Variants in AP3D1 observed in about 807,000 individuals in gnomAD.
AP3D1 encodes AP-3 complex subunit delta-1.
A neutral mutation model predicts 147.6 loss-of-function variants in AP3D1; 51 were observed. The ratio of observed to expected loss-of-function variants is 0.35; its 90% CI spans 0.28 to 0.44. The LOEUF (loss-of-function observed/expected upper bound fraction) is 0.44. Among genes scored for constraint, AP3D1 ranks in the 20% least tolerant of loss-of-function variants. The pLI, the probability that AP3D1 is intolerant of heterozygous loss-of-function variation, is 1.00. For missense variants in AP3D1, 1,421 were observed against 1,624.2 expected (o/e 0.87, Z 2.15); for synonymous variants, 760 against 663.0 (o/e 1.15, Z -2.25).
chr19:2,143,386 G>T (rs1187940257), intron 1 of AP3D1, among the ~76,000 whole-genome samples: 1 of 151,670 alleles, frequency 6.6e-6, no homozygotes, highest in Non-Finnish European at 1.5e-5. Context: ...GACTACAGGC[G>T]CCCGCGACCA....
Position 2,117,365 on chromosome 19 carries a change from C to G in AP3D1, c.1716G>C (p.Ala572=). Residue 572 remains alanine (A), a splice_region_variant and synonymous_variant, in exon 16 of 32, where the codon GCG becomes GCC. Transcript: ENST00000643116. Reference sequence around the variant, plus strand: ...GCTTGACCAGCTGCAGGATGCAGGACGCCTGTGGGGGACACAGGGGTCACT... The same window carrying G: ...GCTTGACCAGCTGCAGGATGCAGGAGGCCTGTGGGGGACACAGGGGTCACT... ...QSADLEVQER[A]SCILQLVKHI... 1 of 1,599,226 alleles carries G rather than the reference C, an allele frequency of 6.3e-7. No individual in the cohort carries two copies. Among genetic ancestry groups the G allele is most frequent in the Non-Finnish European group, 8.5e-7 (1 of 1,174,182 alleles).
chr19:2,151,498 C>G lies in AP3D1; in HGVS notation c.-164G>C, dbSNP rs1342608308. ...CGGGGTCCAAGGACCGCGGCAGAGG[C>G]GGCGACCCGCTCGGCAGGTGCCGCG... is the stretch of plus-strand genomic sequence containing the variant. On this transcript the variant is annotated 5_prime_UTR_variant, in exon 1 of 32. Coordinates refer to ENST00000643116, the MANE Select transcript of AP3D1 (RefSeq NM_001261826.3). The G allele has an allele frequency of 4.9e-6, 1 of 204,716 alleles. No individual in the cohort carries two copies. Among genetic ancestry groups the G allele is most frequent in the African/African-American group, 2.4e-5 (1 of 42,358 alleles). The allele number at this position is 204,716 out of a possible 1,614,324, so 12.7% of individuals were successfully genotyped here. A position where few individuals can be genotyped will look rare whatever the true frequency, so the allele number is the denominator to read the frequency against.
At chr19:2,108,880 T>C (rs1457635473) in intron 30 of AP3D1, 114 bp from the exon 31 acceptor site, 1 of 1,350,844 alleles carries the variant, frequency 7.4e-7, no homozygotes, top group Non-Finnish European at 1.0e-6. Context: ...AGGAGGCCTG[T>C]AGGAGCAGGG....
chr19:2,150,985 G>C (rs573579830), intron 1 of AP3D1, among the ~76,000 whole-genome samples: 3 of 152,360 alleles, frequency 2.0e-5, no homozygotes, highest in South Asian at 4.1e-4. Context: ...GCTTCCCCCA[G>C]GTGATCCGAT....
At chr19:2,115,050 C>T (rs1044603885) in intron 20 of AP3D1, among the ~76,000 whole-genome samples, 169 bp downstream of exon 20, 2 of 152,192 alleles carry the variant, frequency 1.3e-5, no homozygotes, top group African/African-American at 2.4e-5. Flanking sequence ...GGCGGTGCGT[C>T]GGGACGCGTG....
chr19:2,111,430 C>T (rs1386583256), intron 25 of AP3D1, 98 bp from the exon 26 acceptor site: 3 of 1,472,096 alleles, frequency 2.0e-6, no homozygotes, highest in Admixed American at 3.8e-5. Context: ...TGCCACGACT[C>T]CAAGAATGCT....
chr19:2,109,467 C>T (rs1254661347), intron 29 of AP3D1: 10 of 513,012 alleles, frequency 1.9e-5, no homozygotes, highest in Admixed American at 7.5e-5. Flanking sequence ...CCGACAAGGA[C>T]GGATGTCCTG....
intron 26 of AP3D1, 80 bp from the exon 27 acceptor site, chr19:2,110,976 A>T: frequency 1.4e-6 from 2 of 1,460,250 alleles, no homozygotes; most frequent in Non-Finnish European, 1.9e-6. Flanking sequence ...CTTAATGACC[A>T]CAGAGGCAGC....
intron 1 of AP3D1, among the ~76,000 whole-genome samples, chr19:2,139,308 TTGG>T (rs1184290373): frequency 6.6e-6 from 1 of 152,120 alleles, no homozygotes; most frequent in African/African-American, 2.4e-5. Flanking sequence ...TGCCAACTCC[TTGG>T]TGGACGAACA....
At chr19:2,157,760 G>A (rs1401509896) in intron 1 of AP3D1, among the ~76,000 whole-genome samples, 4 of 151,380 alleles carry the variant, frequency 2.6e-5, no homozygotes, top group African/African-American at 9.7e-5. Context: ...AACATACTGA[G>A]TATCTACTGT....
At chr19:2,119,405 A>G (rs918697550) in intron 14 of AP3D1, among the ~76,000 whole-genome samples, 2 of 151,840 alleles carry the variant, frequency 1.3e-5, no homozygotes, top group African/African-American at 4.8e-5. Flanking sequence ...AAAAATACAG[A>G]AAGTGAGGGC....
chr19:2,130,019 G>A (rs538412347), intron 6 of AP3D1, among the ~76,000 whole-genome samples: 137 of 152,298 alleles, frequency 9.0e-4, no homozygotes, highest in African/African-American at 2.5e-3. Context: ...GCCGCGTCCC[G>A]CAGTCACCAC....
rs370799607 is a variant in AP3D1 at position 2,112,945 on chromosome 19, A to G, written c.2702T>C (p.Val901Ala). Residue 901 changes from valine (V) to alanine (A), a missense_variant, in exon 24 of 32, where the codon GTC becomes GCC. This residue lies in a region of AP3D1 where 791 missense variants were observed against 761.4 expected (regional missense o/e 1.04). Transcript: ENST00000643116. Reference protein sequence around the residue: ...PSTGELSVNTVTTPKDECEDA... With the variant: ...PSTGELSVNTATTPKDECEDA... Reference sequence around the variant, plus strand: ...CTCACACTCGTCCTTCGGGGTAGTGACAGTGTTCACACTGAGCTCCCCCTG... The same window carrying G: ...CTCACACTCGTCCTTCGGGGTAGTGGCAGTGTTCACACTGAGCTCCCCCTG... 6.2e-7 allele frequency: 1 copy of G among 1,612,466 alleles called. No individual in the cohort carries two copies.
chr19:2,113,207 G>A (rs2018337094), intron 23 of AP3D1, 129 bp downstream of exon 23: 6 of 648,936 alleles, frequency 9.2e-6, no homozygotes. Flanking sequence ...ACTCAGTGCT[G>A]GGTCCCACAG....
rs923342914 is a variant in AP3D1 at position 2,117,034 on chromosome 19, C to A, written c.1859+188G>T. ...CCACTTCGCAGGGAGCATCCCCAGG[C>A]AGAAGCCAGATCCCAGAACCAGTGA... On this transcript the variant is annotated intron_variant, in intron 16 of 31. Coordinates refer to ENST00000643116, the MANE Select transcript of AP3D1 (RefSeq NM_001261826.3). 4.3e-5 allele frequency: 37 copies of A among 853,960 alleles called. 2 individuals are homozygous for A. In the East Asian group the frequency reaches 9.1e-4, roughly 21 times the overall value. The allele number at this position is 853,960 out of a possible 1,614,324, so 52.9% of individuals were successfully genotyped here.
intron 9 of AP3D1, 46 bp downstream of exon 9, chr19:2,127,106 C>G: frequency 5.0e-6 from 8 of 1,600,430 alleles, no homozygotes; most frequent in Non-Finnish European, 6.0e-6. Context: ...GAGACCCCAG[C>G]CTGGCAGTGC....
intron 1 of AP3D1, among the ~76,000 whole-genome samples, chr19:2,148,614 A>G (rs911888035): frequency 1.3e-5 from 2 of 152,230 alleles, no homozygotes; most frequent in Non-Finnish European, 2.9e-5. Flanking sequence ...CATCCTCCGC[A>G]TCATCCAGCA....
rs1287462179 is a variant in AP3D1 at position 2,132,576 on chromosome 19, G to A, written c.357C>T (p.Asp119=). 2 of 1,597,898 alleles carry A rather than the reference G, an allele frequency of 1.3e-6. No homozygotes were observed. The highest frequency in any genetic ancestry group is 2.2e-5 in the South Asian group (2 of 90,768). ...IMLTTNQIRK[D]LSSPSQYDTG... is the part of the protein sequence containing the mutation. ...TGTCGTACTGGCTGGGGCTGCTCAA[G>A]TCCTGGAAAGTGAGAGAAAGGGGCC... The change falls in exon 5 of 32, where the codon GAC becomes GAT. Residue 119 remains aspartate, a splice_region_variant and synonymous_variant. Transcript: ENST00000643116.
chr19:2,144,858 G>C (rs1027715970), intron 1 of AP3D1, among the ~76,000 whole-genome samples: 1 of 152,042 alleles, frequency 6.6e-6, no homozygotes, highest in East Asian at 1.9e-4. Flanking sequence ...AGCCAAGATC[G>C]CACCACTGCA....
Sources: gnomAD v4.1 joint callset for allele counts (sites outside exome capture counted in the v4.1 genomes callset) on GRCh38, gnomAD v4.1.1 for gene constraint, gnomAD v4.1.1 regional missense constraint, MANE v1.5 for transcripts, NCBI Gene and HGNC (gene_info 2026-07-23, HGNC 2026-07-21) for gene names.